CLPTM1L: variants seen among roughly 807,000 people sequenced by gnomAD.
CLPTM1L encodes lipid scramblase CLPTM1L.
In CLPTM1L, 38 loss-of-function variants were observed where a neutral mutation model predicts 70.9. The ratio of observed to expected loss-of-function variants is 0.54; its 90% CI spans 0.41 to 0.70. CLPTM1L has a LOEUF of 0.70. CLPTM1L is among the 30% of genes least tolerant of loss of function. CLPTM1L has a pLI of 0.00. For synonymous variants in CLPTM1L, 339 were observed against 299.9 expected (o/e 1.13, Z -1.35); for missense variants, 652 against 705.9 (o/e 0.92, Z 0.87).
rs1247061035 is a variant in CLPTM1L at position 1,318,886 on chromosome 5, G to A, written c.1533-433C>T. The stretch of plus-strand genomic sequence containing the variant: ...GCCGCCTTTGATCCTGAGCGCCCCG[G>A]AGGCCTTGCCAACATCACCCCTACG... On this transcript the variant is annotated intron_variant, in intron 16 of 16. Transcript: ENST00000320895. This position sits in a 1 kb window ranked among gnomAD's most constrained non-coding sequence, Gnocchi z 8.9. 6.6e-6 allele frequency among the ~76,000 whole-genome samples: 1 copy of A among 152,238 alleles called. No homozygotes were observed. Among genetic ancestry groups the A allele is most frequent in the African/African-American group, 2.4e-5 (1 of 41,464 alleles).
intron 9 of CLPTM1L, chr5:1,326,297 T>C (rs1167165653): frequency 7.8e-6 from 2 of 255,242 alleles, no homozygotes; most frequent in South Asian, 4.7e-5. Flanking sequence ...TCCAGCGTCA[T>C]TTCATCCAGC....
chr5:1,333,314 C>T (rs1453428232), intron 7 of CLPTM1L, among the ~76,000 whole-genome samples: 1 of 130,558 alleles, frequency 7.7e-6, no homozygotes, highest in African/African-American at 3.2e-5. Flanking sequence ...TGTATACACA[C>T]GGGATGAGGA....
chr5:1,341,555 C>A (rs1189806713), intron 3 of CLPTM1L, 116 bp downstream of exon 3: 1 of 847,456 alleles, frequency 1.2e-6, no homozygotes, highest in Non-Finnish European at 1.8e-6. Context: ...TGGCTTTTGG[C>A]TTTACTCCCA....
intron 2 of CLPTM1L, among the ~76,000 whole-genome samples, chr5:1,343,308 G>A (rs1016162093): frequency 2.0e-5 from 3 of 152,166 alleles, no homozygotes; most frequent in Non-Finnish European, 4.4e-5. Context: ...TCTCTCTTCA[G>A]GCAGAGGGTG....
chr5:1,342,039 T>TGTGTGTGCGCGC lies in CLPTM1L; in HGVS notation c.264-180_264-179insGCGCGCACACAC, dbSNP rs3222913. Among the ~76,000 whole-genome samples, 525 of 149,074 alleles carry TGTGTGTGCGCGC rather than the reference T, an allele frequency of 3.5e-3. 7 individuals are homozygous for TGTGTGTGCGCGC. Among genetic ancestry groups the TGTGTGTGCGCGC allele is most frequent in the African/African-American group, 0.011 (456 of 39,772 alleles). On this transcript the variant is annotated intron_variant, in intron 2 of 16. Transcript: ENST00000320895. The surrounding 1 kb of genome is among the most constrained non-coding windows in gnomAD (Gnocchi z 4.3). ...GTGTGTGTGTGTGTGTGTGTGTGTG[T>TGTGTGTGCGCGC]GCACGCGCACGCGTGCGCGTCCTGA...
At chr5:1,329,597 C>A (rs113632545) in intron 9 of CLPTM1L, among the ~76,000 whole-genome samples, 43 of 128,890 alleles carry the variant, frequency 3.3e-4, no homozygotes, top group African/African-American at 1.2e-3. Context: ...CCTCAGGACT[C>A]TCTGCCTGGT....
At chr5:1,336,827 G>C (rs116515814) in intron 5 of CLPTM1L, among the ~76,000 whole-genome samples, 211 of 152,288 alleles carry the variant, frequency 1.4e-3, no homozygotes, top group African/African-American at 5.0e-3. Context: ...GGACTGCAAG[G>C]GGTCTGAGGG....
intron 10 of CLPTM1L, 171 bp downstream of exon 10, chr5:1,325,580 A>G (rs1752475008): frequency 3.1e-6 from 2 of 639,898 alleles, no homozygotes; most frequent in Non-Finnish European, 2.8e-6. Flanking sequence ...GGGAATCCTC[A>G]GGCGAAGAGA....
chr5:1,337,145 G>A (rs901812157), intron 5 of CLPTM1L, among the ~76,000 whole-genome samples: 1 of 152,184 alleles, frequency 6.6e-6, no homozygotes, highest in African/African-American at 2.4e-5. Context: ...CCAGCTGAGC[G>A]TTCACCTCTG....
Position 1,335,178 on chromosome 5 carries a change from A to T in CLPTM1L, c.679-4T>A. ...CGGTGGTGGAGCGGTTTATGACCTG[A>T]TGAAGAAAGCCACACTGAGGGCCCT... On this transcript the variant is annotated splice_polypyrimidine_tract_variant and splice_region_variant and intron_variant, in intron 5 of 16. Coordinates refer to ENST00000320895, the MANE Select transcript of CLPTM1L (RefSeq NM_030782.5). 6.2e-7 allele frequency: 1 copy of T among 1,611,380 alleles called. No individual in the cohort carries two copies. The highest frequency in any genetic ancestry group is 8.5e-7 in the Non-Finnish European group (1 of 1,178,160).
intron 7 of CLPTM1L, among the ~76,000 whole-genome samples, chr5:1,333,658 ACCGG>A (rs1753326681): frequency 2.9e-5 from 3 of 103,460 alleles, no homozygotes; most frequent in Non-Finnish European, 5.5e-5. Flanking sequence ...CTGTATACAC[ACCGG>A]CTGAGGATAA....
intron 13 of CLPTM1L, 80 bp from the exon 14 acceptor site, chr5:1,321,899 T>C (rs1174412040): frequency 2.2e-6 from 3 of 1,358,118 alleles, no homozygotes; most frequent in Non-Finnish European, 3.1e-6. Flanking sequence ...TCACGAGGTG[T>C]GGAGGGCCGA....
At chr5:1,323,271 C>G (rs568934518) in intron 12 of CLPTM1L, among the ~76,000 whole-genome samples, 170 of 149,188 alleles carry the variant, frequency 1.1e-3, no homozygotes, top group Non-Finnish European at 2.1e-3. Flanking sequence ...CAGCACCCCA[C>G]CTGGGCAGCA....
At chr5:1,340,194 G>A (rs1753852261) in intron 3 of CLPTM1L, among the ~76,000 whole-genome samples, 1 of 152,218 alleles carries the variant, frequency 6.6e-6, no homozygotes, top group South Asian at 2.1e-4. Context: ...CTTCTCAGAA[G>A]TTGAGAGGGT....
chr5:1,325,373 G>A (rs900502786), intron 10 of CLPTM1L: 3 of 285,916 alleles, frequency 1.0e-5, no homozygotes, highest in Non-Finnish European at 2.0e-5. Flanking sequence ...CACCAGCTCA[G>A]GGCAGGGGCT....
At chr5:1,340,777 C>G (rs1355460866) in intron 3 of CLPTM1L, among the ~76,000 whole-genome samples, 1 of 152,188 alleles carries the variant, frequency 6.6e-6, no homozygotes, top group Non-Finnish European at 1.5e-5. Context: ...AAGCTGCCAT[C>G]TTTCTTGTTT....
chr5:1,336,152 C>G (rs531575660), intron 5 of CLPTM1L, among the ~76,000 whole-genome samples: 11 of 152,360 alleles, frequency 7.2e-5, no homozygotes, highest in African/African-American at 2.4e-4. Context: ...CCAGGCACCC[C>G]TCGAGCTGCC....
chr5:1,326,915 C>T lies in CLPTM1L; in HGVS notation c.1081-1099G>A, dbSNP rs1388302289. Among the ~76,000 whole-genome samples, 6 of 150,682 alleles carry T rather than the reference C, an allele frequency of 4.0e-5. No homozygotes were observed. The South Asian group carries it at 1.3e-3, about 32-fold the overall frequency. ...CTCCTCCTCTACGGACACATTTCATCCAGCTCCTCCTCTACGGACACATTT... is the reference window on the plus strand; with the variant it reads ...CTCCTCCTCTACGGACACATTTCATTCAGCTCCTCCTCTACGGACACATTT... On this transcript the variant is annotated intron_variant, in intron 9 of 16. Transcript: ENST00000320895.
At position 1,330,485 on chromosome 5, in the gene CLPTM1L, G is replaced by A. The variant is rs922225503; in HGVS notation, c.977-102C>T. On this transcript the variant is annotated intron_variant, in intron 8 of 16. Transcript: ENST00000320895. ...CCAGTCCCCCATCCCAACCCACCAC[G>A]CCCAAGAAGCTTCAGGTACTCCCCA... The A allele has an allele frequency of 4.8e-5, 41 of 849,074 alleles. No individual in the cohort carries two copies. In the African/African-American group the frequency reaches 5.7e-4, roughly 12 times the overall value. The allele number at this position is 849,074 out of a possible 1,614,324, so 52.6% of individuals were successfully genotyped here.
Sources: allele counts gnomAD v4.1 joint callset (sites outside exome capture counted in the v4.1 genomes callset), GRCh38; gene constraint gnomAD v4.1.1; non-coding constraint Gnocchi (gnomAD v3.1); transcripts MANE v1.5; gene names NCBI Gene and HGNC (gene_info 2026-07-23, HGNC 2026-07-21).